The following CACNA2D3 variants were observed in gnomAD, a reference collection of about 807,000 sequenced individuals.
CACNA2D3 encodes the protein voltage-dependent calcium channel subunit alpha-2/delta-3.
Under a neutral mutation model 160.6 loss-of-function variants are expected in CACNA2D3, and 60 were observed. The ratio of observed to expected loss-of-function variants is 0.37; its 90% confidence interval spans 0.30 to 0.46. The LOEUF is 0.46. Ranked by LOEUF, CACNA2D3 falls within the 20% of genes least tolerant of loss-of-function variation. The probability of loss-of-function intolerance (pLI) is 1.00; values close to 1 mark genes in which losing one functional copy is unlikely to be tolerated. For synonymous variants in CACNA2D3, 558 were observed against 492.9 expected, an observed-to-expected ratio of 1.13 and a Z score of -1.75; for missense variants, 1,205 against 1,365.0, an observed-to-expected ratio of 0.88 and a Z score of 1.85.
At chr3:54,568,954 C>T (rs375491183) in intron 6 of CACNA2D3, among the ~76,000 whole-genome samples, 2 of 152,338 alleles carry the variant, frequency 1.3e-5, no homozygotes, top group South Asian at 4.1e-4. Flanking sequence ...AGTCAGGATT[C>T]TCTCCTGCGA....
chr3:54,955,467 A>C (rs1055680405), intron 27 of CACNA2D3, among the ~76,000 whole-genome samples: 5 of 151,722 alleles, frequency 3.3e-5, no homozygotes, highest in Admixed American at 6.6e-5. Flanking sequence ...AAAAGAAAAA[A>C]GAAAAAAAAG....
Position 54,130,902 on chromosome 3 carries a change from C to T in CACNA2D3, c.204+7308C>T, listed in dbSNP as rs1699692655. 2.0e-5 allele frequency among the ~76,000 whole-genome samples: 3 copies of T among 152,348 alleles called. No individual in the cohort carries two copies. The South Asian group carries it at 6.2e-4, about 32-fold the overall frequency. The stretch of plus-strand genomic sequence containing the variant: ...ATGGGCTTGGATTTGAGTCCCAGAT[C>T]TGACATTTCCTCTTCAGCGTTGCCT... On this transcript the variant is annotated intron_variant, in intron 2 of 37. Transcript: ENST00000474759.
chr3:54,776,706 G>A (rs991451972), intron 13 of CACNA2D3, among the ~76,000 whole-genome samples: 40 of 152,102 alleles, frequency 2.6e-4, no homozygotes, highest in African/African-American at 9.2e-4. Flanking sequence ...ACTCTCAGGA[G>A]TGGGTCTTCT....
intron 29 of CACNA2D3, among the ~76,000 whole-genome samples, chr3:54,972,793 TG>T (rs750665621): frequency 8.5e-4 from 130 of 152,292 alleles, no homozygotes; most frequent in Non-Finnish European, 1.2e-3. Context: ...GGCCTGGCCA[TG>T]GGGCTGACTT....
At chr3:54,980,890 T>G (rs1444571912) in intron 29 of CACNA2D3, among the ~76,000 whole-genome samples, 1 of 152,268 alleles carries the variant, frequency 6.6e-6, no homozygotes, top group Non-Finnish European at 1.5e-5. Context: ...AAAACTATCT[T>G]TATTTCCCAA....
intron 11 of CACNA2D3, among the ~76,000 whole-genome samples, chr3:54,751,258 G>C (rs1332753270): frequency 6.6e-6 from 1 of 152,130 alleles, no homozygotes; most frequent in Non-Finnish European, 1.5e-5. Flanking sequence ...CAGGAGCTGT[G>C]ATAAATAAAG....
At chr3:54,127,640 C>T (rs1387496267) in intron 2 of CACNA2D3, among the ~76,000 whole-genome samples, 1 of 152,176 alleles carries the variant, frequency 6.6e-6, no homozygotes, top group African/African-American at 2.4e-5. Flanking sequence ...TGCGTTCAAC[C>T]TATGCTGCGG....
chr3:54,492,468 C>T (rs1701125907), intron 4 of CACNA2D3, among the ~76,000 whole-genome samples: 1 of 152,158 alleles, frequency 6.6e-6, no homozygotes. Context: ...GGAGCCATTA[C>T]TTATAGCGTG....
chr3:54,449,662 T>A (rs1477848502), intron 4 of CACNA2D3, among the ~76,000 whole-genome samples: 2 of 152,140 alleles, frequency 1.3e-5, no homozygotes, highest in Non-Finnish European at 2.9e-5. Flanking sequence ...TCTCATGGGA[T>A]CTGGTTGTTT....
intron 4 of CACNA2D3, among the ~76,000 whole-genome samples, chr3:54,391,415 G>A (rs1197419848): frequency 1.3e-5 from 2 of 152,170 alleles, no homozygotes; most frequent in Admixed American, 6.5e-5. Flanking sequence ...GCTCCTGAAG[G>A]ATAGCATGTG....
chr3:54,244,608 A>G (rs1366689600), intron 2 of CACNA2D3, among the ~76,000 whole-genome samples: 3 of 152,198 alleles, frequency 2.0e-5, no homozygotes, highest in African/African-American at 7.2e-5. Flanking sequence ...GAAAAACAAA[A>G]AAAGGAAGCA....
chr3:54,605,093 A>G (rs1703141309), intron 9 of CACNA2D3, among the ~76,000 whole-genome samples: 2 of 151,988 alleles, frequency 1.3e-5, no homozygotes, highest in African/African-American at 2.4e-5. Context: ...TGGCTTGCAG[A>G]TGTATAATTC....
chr3:54,207,241 T>A (rs1701291481), intron 2 of CACNA2D3, among the ~76,000 whole-genome samples: 1 of 142,896 alleles, frequency 7.0e-6, no homozygotes, highest in African/African-American at 2.7e-5. Context: ...CAAATTAATT[T>A]ACATGTACAG....
chr3:54,245,650 G>A (rs189208031), intron 2 of CACNA2D3, among the ~76,000 whole-genome samples: 1 of 152,064 alleles, frequency 6.6e-6, no homozygotes, highest in Non-Finnish European at 1.5e-5. Flanking sequence ...TATAATGCAG[G>A]GCTTGAGAAA....
intron 21 of CACNA2D3, among the ~76,000 whole-genome samples, chr3:54,884,037 A>G (rs1296746920): frequency 6.6e-6 from 1 of 152,174 alleles, no homozygotes; most frequent in Non-Finnish European, 1.5e-5. Flanking sequence ...GCCTAGAATC[A>G]TACCTGGCAT....
intron 2 of CACNA2D3, among the ~76,000 whole-genome samples, chr3:54,134,081 A>T (rs1699769695): frequency 1.3e-5 from 2 of 151,846 alleles, no homozygotes; most frequent in Non-Finnish European, 1.5e-5. Flanking sequence ...ATTGGTGCTT[A>T]TTTTTTTTCC....
intron 35 of CACNA2D3, among the ~76,000 whole-genome samples, chr3:55,038,526 G>T (rs897370598): frequency 6.6e-6 from 1 of 152,038 alleles, no homozygotes. Context: ...ATATAAAAAC[G>T]TGAAATGTGG....
chr3:55,068,437 G>A (rs57127974), intron 35 of CACNA2D3, among the ~76,000 whole-genome samples: 10,672 of 152,050 alleles, frequency 0.07, 993 homozygotes, highest in East Asian at 0.28. Flanking sequence ...ACTTGCATAC[G>A]CTCTACTTAT....
chr3:54,468,461 C>G (rs1700668280), intron 4 of CACNA2D3, among the ~76,000 whole-genome samples: 1 of 152,148 alleles, frequency 6.6e-6, no homozygotes, highest in Non-Finnish European at 1.5e-5. Context: ...CCTCGGGTGC[C>G]TAGGCCACCA....
Sources: gnomAD v4.1 joint callset for allele counts (sites outside exome capture counted in the v4.1 genomes callset) on GRCh38, gnomAD v4.1.1 for gene constraint, MANE v1.5 for transcripts, NCBI Gene and HGNC (gene_info 2026-07-23, HGNC 2026-07-21) for gene names.